PTH1R: variants seen among roughly 807,000 people sequenced by gnomAD.
The protein encoded by PTH1R is parathyroid hormone 1 receptor.
Under a neutral mutation model 70.7 loss-of-function variants are expected in PTH1R, and 32 were observed. The ratio of observed to expected loss-of-function variants is 0.45; its 90% CI spans 0.34 to 0.61. The LOEUF (loss-of-function observed/expected upper bound fraction) is 0.61, where lower values mean the gene tolerates loss of function less well. PTH1R is among the 20% of genes least tolerant of loss of function. PTH1R has a pLI of 0.01. For synonymous variants in PTH1R, 329 were observed against 324.8 expected, an observed-to-expected ratio of 1.01 and a Z score of -0.14; for missense variants, 626 against 792.5, an observed-to-expected ratio of 0.79 and a Z score of 2.52.
chr3:46,894,049 T>C, intron 4 of PTH1R, 40 bp downstream of exon 4: 1 of 1,594,272 alleles, frequency 6.3e-7, no homozygotes, highest in Non-Finnish European at 8.6e-7. Flanking sequence ...TGAGGTCAGG[T>C]GAGGGAGGGG....
chr3:46,881,612 A>C (rs1396019269), intron 2 of PTH1R, among the ~76,000 whole-genome samples: 2 of 151,220 alleles, frequency 1.3e-5, no homozygotes, highest in Non-Finnish European at 2.9e-5. Context: ...CTGGGCAGGG[A>C]GGGAGCGGGA....
At position 46,896,007 on chromosome 3, in the gene PTH1R, G is replaced by T. The variant is rs563247863; in HGVS notation, c.313+138G>T. On this transcript the variant is annotated intron_variant, in intron 5 of 15. Coordinates refer to ENST00000449590, the MANE Select transcript of PTH1R (RefSeq NM_000316.3). This position sits in a 1 kb window ranked among gnomAD's most constrained non-coding sequence, Gnocchi z 4.1. ...GCTGCAGCCACATCCCCAGGCAAGG[G>T]GCTGGGAGAAGACAGAGTGTAGTGG... 166 of 1,177,536 alleles carry T rather than the reference G, an allele frequency of 1.4e-4. 1 individual carries two copies. In the South Asian group the frequency reaches 2.2e-3, roughly 15 times the overall value. The allele number at this position is 1,177,536 out of a possible 1,614,324, so 72.9% of individuals were successfully genotyped here.
chr3:46,895,966 T>C (rs1464025234), intron 5 of PTH1R, 97 bp downstream of exon 5: 1 of 1,463,056 alleles, frequency 6.8e-7, no homozygotes. Context: ...TTCTTGGCTC[T>C]TATAGAAAGT....
chr3:46,885,312 G>C (rs541684001), intron 3 of PTH1R, among the ~76,000 whole-genome samples: 1 of 152,228 alleles, frequency 6.6e-6, no homozygotes, highest in African/African-American at 2.4e-5. Context: ...GTGAGCGCCT[G>C]TGCACCCGGG....
Position 46,883,500 on chromosome 3 carries a change from T to A in PTH1R, c.-48-12T>A. 2 of 1,429,706 alleles carry A rather than the reference T, an allele frequency of 1.4e-6. No homozygotes were observed. The highest frequency in any genetic ancestry group is 1.8e-6 in the Non-Finnish European group (2 of 1,089,454). 88.6% of individuals were successfully genotyped at this position (1,429,706 alleles called of 1,614,324 possible). On this transcript the variant is annotated splice_polypyrimidine_tract_variant and intron_variant, in intron 2 of 15. Transcript: ENST00000449590. The surrounding 1 kb of genome is among the most constrained non-coding windows in gnomAD (Gnocchi z 6.4). ...CAGCCTGACGCAGCTCTGCACCCCC[T>A]ACCACCACCAGGGCCGGCGGCGGCG... is the stretch of plus-strand genomic sequence containing the variant.
Position 46,892,426 on chromosome 3 carries a change from G to A in PTH1R, c.76-1481G>A. On this transcript the variant is annotated intron_variant, in intron 3 of 15. Coordinates refer to ENST00000449590, the MANE Select transcript of PTH1R (RefSeq NM_000316.3). This position sits in a 1 kb window ranked among gnomAD's most constrained non-coding sequence, Gnocchi z 5.2. ...TCCATGTGAGAACGCGCACGGACGG[G>A]CACACACAAGTGCACGCGCCGGCCA... 6.6e-6 allele frequency among the ~76,000 whole-genome samples: 1 copy of A among 152,232 alleles called. No homozygotes were observed. The highest frequency in any genetic ancestry group is 1.9e-4 in the East Asian group (1 of 5,192).
chr3:46,893,534 G>A lies in PTH1R; in HGVS notation c.76-373G>A, dbSNP rs910343208. 3.3e-5 allele frequency among the ~76,000 whole-genome samples: 5 copies of A among 151,726 alleles called. No individual in the cohort carries two copies. The highest frequency in any genetic ancestry group is 1.2e-4 in the African/African-American group (5 of 41,264). On this transcript the variant is annotated intron_variant, in intron 3 of 15. Transcript: ENST00000449590. The surrounding 1 kb of genome is among the most constrained non-coding windows in gnomAD (Gnocchi z 5.2). Reference sequence around the variant, plus strand: ...TATCCACCCCCTGCCCCCGACTCATGTCCCCAGCAGGCAGCCAGGATCCTG... The same window carrying A: ...TATCCACCCCCTGCCCCCGACTCATATCCCCAGCAGGCAGCCAGGATCCTG...
intron 10 of PTH1R, among the ~76,000 whole-genome samples, chr3:46,900,197 A>T (rs553462029): frequency 6.6e-6 from 1 of 152,130 alleles, no homozygotes; most frequent in South Asian, 2.1e-4. Flanking sequence ...CTCGACATAC[A>T]TCCTGACCCT....
rs563370266 is a variant in PTH1R, at chr3:46,901,526, G to A, written c.1116+46G>A. On this transcript the variant is annotated intron_variant, in intron 12 of 15. Transcript: ENST00000449590. The surrounding 1 kb of genome is among the most constrained non-coding windows in gnomAD (Gnocchi z 7.3). ...GGCCACAGGGGTGGGTGGGATGTGC[G>A]CCTGCGTCCCCTGGAACCAGCCCCT... 2.3e-5 allele frequency: 36 copies of A among 1,548,808 alleles called. No individual in the cohort carries two copies. Among genetic ancestry groups the A allele is most frequent in the Admixed American group, 3.9e-5 (2 of 51,148 alleles).
rs1428104444 is a variant in PTH1R, at chr3:46,884,518, G to C, written c.75+884G>C. ...GTCTGGGGCCCACTTGCTGGGAAGGGGGCTGTCCCAGCCCCTCAGTCCTAT... is the reference window on the plus strand; with the variant it reads ...GTCTGGGGCCCACTTGCTGGGAAGGCGGCTGTCCCAGCCCCTCAGTCCTAT... On this transcript the variant is annotated intron_variant, in intron 3 of 15. Coordinates refer to ENST00000449590, the MANE Select transcript of PTH1R (RefSeq NM_000316.3). This position sits in a 1 kb window ranked among gnomAD's most constrained non-coding sequence, Gnocchi z 4.8. Among the ~76,000 whole-genome samples the C allele has an allele frequency of 2.0e-5, 3 of 152,278 alleles. No individual in the cohort carries two copies. Among genetic ancestry groups the C allele is most frequent in the South Asian group, 4.1e-4 (2 of 4,832 alleles).
chr3:46,901,161 G>C lies in PTH1R; in HGVS notation c.1049+76G>C. ...TTTCTTCCAGGAAGCATGTGAGAGG[G>C]CCTCCTGTACCCTGGCCTCAAACGG... On this transcript the variant is annotated intron_variant, in intron 11 of 15. Transcript: ENST00000449590. The surrounding 1 kb of genome is among the most constrained non-coding windows in gnomAD (Gnocchi z 7.3). 1 of 1,507,368 alleles carries C rather than the reference G, an allele frequency of 6.6e-7. No individual in the cohort carries two copies. Among genetic ancestry groups the C allele is most frequent in the Non-Finnish European group, 9.0e-7 (1 of 1,108,198 alleles). 93.4% of individuals were successfully genotyped at this position (1,507,368 alleles called of 1,614,324 possible).
In PTH1R at chr3:46,882,934, G is replaced by A. The variant is rs2030711902; in HGVS notation, c.-48-578G>A. On this transcript the variant is annotated intron_variant, in intron 2 of 15. Coordinates refer to ENST00000449590, the MANE Select transcript of PTH1R (RefSeq NM_000316.3). The surrounding 1 kb of genome is among the most constrained non-coding windows in gnomAD (Gnocchi z 4.3). ...GCCGGAACACCTAAGGGCTCAGTGTGGCTGCAAAGTTGAGATCGCACCCCC... is the reference window on the plus strand; with the variant it reads ...GCCGGAACACCTAAGGGCTCAGTGTAGCTGCAAAGTTGAGATCGCACCCCC... 6.6e-6 allele frequency among the ~76,000 whole-genome samples: 1 copy of A among 151,682 alleles called. No homozygotes were observed. Among genetic ancestry groups the A allele is most frequent in the African/African-American group, 2.4e-5 (1 of 41,272 alleles).
chr3:46,903,764 G>A lies in PTH1R; in HGVS notation c.*108G>A. On this transcript the variant is annotated 3_prime_UTR_variant, in exon 16 of 16. Transcript: ENST00000449590. This position sits in a 1 kb window ranked among gnomAD's most constrained non-coding sequence, Gnocchi z 4.4. ...GGGCTGGGGCCAAGAGGAAAAACAG[G>A]GAAAAAAAGAAAAAAAAAAGAAAAA... The A allele has an allele frequency of 6.6e-7, 1 of 1,519,818 alleles. No individual in the cohort carries two copies. 94.1% of individuals were successfully genotyped at this position (1,519,818 alleles called of 1,614,324 possible). A position where few individuals can be genotyped will look rare whatever the true frequency, so the allele number is the denominator to read the frequency against.
In PTH1R at chr3:46,884,666, G is replaced by A. The variant is rs531452188; in HGVS notation, c.75+1032G>A. 6.6e-6 allele frequency among the ~76,000 whole-genome samples: 1 copy of A among 152,302 alleles called. No homozygotes were observed. The highest frequency in any genetic ancestry group is 1.9e-4 in the East Asian group (1 of 5,168). Reference sequence around the variant, plus strand: ...GGGTATCTGCCTGCTAGAGAGCAGGGCAGTCAGGCAGCCTCCTCCTCCTGA... The same window carrying A: ...GGGTATCTGCCTGCTAGAGAGCAGGACAGTCAGGCAGCCTCCTCCTCCTGA... On this transcript the variant is annotated intron_variant, in intron 3 of 15. Transcript: ENST00000449590. This position sits in a 1 kb window ranked among gnomAD's most constrained non-coding sequence, Gnocchi z 4.8.
rs1455868992 is a variant in PTH1R, at chr3:46,881,633, C to A, written c.-49+515C>A. 7.9e-5 allele frequency among the ~76,000 whole-genome samples: 12 copies of A among 152,114 alleles called. No individual in the cohort carries two copies. In the South Asian group the frequency reaches 1.7e-3, roughly 21 times the overall value. ...AGGGAGGGAGCGGGATGTGTGGCTG[C>A]AGACCTGGGCGGGGGTCGGGGCTGG... On this transcript the variant is annotated intron_variant, in intron 2 of 15. Transcript: ENST00000449590.
In PTH1R at chr3:46,901,700, G is replaced by A. The variant is rs564789131; in HGVS notation, c.1117-66G>A. ...GTGACAGAGCAGAGCCTATGGCCGT[G>A]GCTGCCAGGCCTTGCCCCGCCCCAC... On this transcript the variant is annotated intron_variant, in intron 12 of 15. Transcript: ENST00000449590. The surrounding 1 kb of genome is among the most constrained non-coding windows in gnomAD (Gnocchi z 7.3). The A allele has an allele frequency of 6.6e-7, 1 of 1,525,162 alleles. No individual in the cohort carries two copies. The highest frequency in any genetic ancestry group is 1.7e-5 in the Admixed American group (1 of 59,750). 94.5% of individuals were successfully genotyped at this position (1,525,162 alleles called of 1,614,324 possible). A position where few individuals can be genotyped will look rare whatever the true frequency, so the allele number is the denominator to read the frequency against.
chr3:46,902,897 C>G lies in PTH1R; in HGVS notation c.1395+107C>G. The G allele has an allele frequency of 1.4e-6, 2 of 1,454,420 alleles. No homozygotes were observed. Among genetic ancestry groups the G allele is most frequent in the East Asian group, 4.5e-5 (2 of 44,272 alleles). 90.1% of individuals were successfully genotyped at this position (1,454,420 alleles called of 1,614,324 possible). A position where few individuals can be genotyped will look rare whatever the true frequency, so the allele number is the denominator to read the frequency against. On this transcript the variant is annotated intron_variant, in intron 15 of 15. Coordinates refer to ENST00000449590, the MANE Select transcript of PTH1R (RefSeq NM_000316.3). This position sits in a 1 kb window ranked among gnomAD's most constrained non-coding sequence, Gnocchi z 5.4. ...CCACCCTGTTATTTCTTTGTTCCTC[C>G]AAGAACACCCCTGAGGACATTCTGA...
chr3:46,901,269 A>AG lies in PTH1R; in HGVS notation c.1050-142dup. The AG allele has an allele frequency of 1.6e-6, 2 of 1,246,796 alleles. No homozygotes were observed. The highest frequency in any genetic ancestry group is 2.3e-6 in the Non-Finnish European group (2 of 876,852). 77.2% of individuals were successfully genotyped at this position (1,246,796 alleles called of 1,614,324 possible). A position where few individuals can be genotyped will look rare whatever the true frequency, so the allele number is the denominator to read the frequency against. On this transcript the variant is annotated intron_variant, in intron 11 of 15. Coordinates refer to ENST00000449590, the MANE Select transcript of PTH1R (RefSeq NM_000316.3). The surrounding 1 kb of genome is among the most constrained non-coding windows in gnomAD (Gnocchi z 7.3). ...GAGGCTACTTCCAAAGAGGCCTGTG[A>AG]GGGAGGCCTCAGGCCTGGCCACACC...
Position 46,902,807 on chromosome 3 carries a change from GT to G in PTH1R, c.1395+19del, listed in dbSNP as rs1187114531. 1 of 1,613,664 alleles carries G rather than the reference GT, an allele frequency of 6.2e-7. No individual in the cohort carries two copies. Among genetic ancestry groups the G allele is most frequent in the Non-Finnish European group, 8.5e-7 (1 of 1,180,004 alleles). On this transcript the variant is annotated intron_variant, in intron 15 of 15. Coordinates refer to ENST00000449590, the MANE Select transcript of PTH1R (RefSeq NM_000316.3). This position sits in a 1 kb window ranked among gnomAD's most constrained non-coding sequence, Gnocchi z 5.4. ...AATGGCGAGGTAAGCAGGAGACAGT[GT>G]TGGCATAGGGCAGGGTGGGGCAGAT...
Sources: allele counts gnomAD v4.1 joint callset (sites outside exome capture counted in the v4.1 genomes callset), GRCh38; gene constraint gnomAD v4.1.1; non-coding constraint Gnocchi (gnomAD v3.1); transcripts MANE v1.5; gene names NCBI Gene and HGNC (gene_info 2026-07-23, HGNC 2026-07-21).